KCNN2: variants seen among roughly 807,000 people sequenced by gnomAD.
KCNN2 encodes small conductance calcium-activated potassium channel protein 2.
In KCNN2, 24 loss-of-function variants were observed where a neutral mutation model predicts 55.5. The observed-to-expected ratio is 0.43, with a 90% CI of 0.31 to 0.61. KCNN2 has a LOEUF of 0.61. Ranked by LOEUF, KCNN2 falls within the 20% of genes least tolerant of loss-of-function variation. The pLI, the probability that KCNN2 is intolerant of heterozygous loss-of-function variation, is 0.08. For synonymous variants in KCNN2, 431 were observed against 336.1 expected (o/e 1.28, Z -3.09); for missense variants, 754 against 853.6 (o/e 0.88, Z 1.45).
At chr5:114,269,291 T>G (rs879390890) in intron 2 of KCNN2, among the ~76,000 whole-genome samples, 1 of 152,200 alleles carries the variant, frequency 6.6e-6, no homozygotes, top group Non-Finnish European at 1.5e-5. Context: ...CCACATAAGC[T>G]ACCCTAAAGG....
Position 114,230,287 on chromosome 5 carries a change from C to CTTT in KCNN2, c.-185+8728_-185+8730dup, listed in dbSNP as rs887105425. Among the ~76,000 whole-genome samples the CTTT allele has an allele frequency of 6.0e-4, 62 of 102,670 alleles. 1 individual carries two copies. The highest frequency in any genetic ancestry group is 2.0e-3 in the African/African-American group (61 of 29,872). The allele number at this position is 102,670 out of a possible 152,430, so 67.4% of individuals were successfully genotyped here. On this transcript the variant is annotated intron_variant, in intron 2 of 10. Coordinates refer to the KCNN2 transcript ENST00000512097. ...ATATTCTTTTTTTTTTTCTTTCTTT[C>CTTT]TTTTTTTTATTATACTTTAAGTTTT... is the stretch of plus-strand genomic sequence containing the variant.
At chr5:114,199,014 CTATGAGTGGGG>C (rs1179011081) in intron 1 of KCNN2, among the ~76,000 whole-genome samples, 2 of 152,006 alleles carry the variant, frequency 1.3e-5, no homozygotes, top group South Asian at 2.1e-4. Flanking sequence ...CTGTCTAGTG[CTATGAGTGGGG>C]TATTAAAGTC....
chr5:114,121,866 T>C (rs1178724911), intron 1 of KCNN2, among the ~76,000 whole-genome samples: 1 of 152,238 alleles, frequency 6.6e-6, no homozygotes, highest in Non-Finnish European at 1.5e-5. Flanking sequence ...AAGGCAACAG[T>C]GTGTTCAACA....
At chr5:114,437,965 G>T (rs1561383573) in intron 3 of KCNN2, among the ~76,000 whole-genome samples, 1 of 152,058 alleles carries the variant, frequency 6.6e-6, no homozygotes. Flanking sequence ...AGTTCTAGGA[G>T]CATAATAACA....
chr5:114,202,644 T>G (rs1753698323), intron 1 of KCNN2, among the ~76,000 whole-genome samples: 1 of 145,782 alleles, frequency 6.9e-6, no homozygotes, highest in South Asian at 2.2e-4. Flanking sequence ...TGGAGTGCAG[T>G]GGCGCGATCT....
intron 2 of KCNN2, among the ~76,000 whole-genome samples, chr5:114,333,759 C>A (rs1252720037): frequency 1.3e-5 from 2 of 152,036 alleles, no homozygotes; most frequent in Non-Finnish European, 2.9e-5. Context: ...TTTAAAAGTT[C>A]TAAGTCAATA....
At chr5:114,301,308 T>C (rs1756154780) in intron 2 of KCNN2, among the ~76,000 whole-genome samples, 1 of 152,196 alleles carries the variant, frequency 6.6e-6, no homozygotes, top group Non-Finnish European at 1.5e-5. Flanking sequence ...CTTGTGAGGA[T>C]TAAATAAAGA....
chr5:114,140,828 G>A (rs376067405), intron 1 of KCNN2, among the ~76,000 whole-genome samples: 86 of 149,408 alleles, frequency 5.8e-4, no homozygotes, highest in Admixed American at 1.5e-3. Context: ...TCACTCCGTC[G>A]CCTAGGCTGG....
intron 1 of KCNN2, among the ~76,000 whole-genome samples, chr5:114,100,904 G>A (rs987663997): frequency 4.6e-5 from 7 of 151,680 alleles, no homozygotes; most frequent in African/African-American, 1.7e-4. Flanking sequence ...AAGAATATAA[G>A]TCCATAGTTA....
At chr5:114,070,395 C>A (rs1750543926) in intron 1 of KCNN2, among the ~76,000 whole-genome samples, 1 of 152,218 alleles carries the variant, frequency 6.6e-6, no homozygotes, top group African/African-American at 2.4e-5. Context: ...ACGAGCCATG[C>A]CTTTACCTGA....
At chr5:114,068,888 A>G (rs955125207) in intron 1 of KCNN2, among the ~76,000 whole-genome samples, 1 of 151,606 alleles carries the variant, frequency 6.6e-6, no homozygotes, top group African/African-American at 2.4e-5. Flanking sequence ...ATCTCAGCTC[A>G]CTGGAACCTC....
At chr5:114,478,167 G>A (rs907637064) in intron 5 of KCNN2, among the ~76,000 whole-genome samples, 52 of 152,120 alleles carry the variant, frequency 3.4e-4, no homozygotes, top group African/African-American at 1.2e-3. Context: ...GCACCCTGGT[G>A]CATTCCCCTT....
chr5:114,478,479 G>T (rs1057461787), intron 5 of KCNN2, among the ~76,000 whole-genome samples: 2 of 151,820 alleles, frequency 1.3e-5, no homozygotes, highest in Non-Finnish European at 2.9e-5. Flanking sequence ...CATACTTCCG[G>T]ATATCATCCA....
intron 1 of KCNN2, among the ~76,000 whole-genome samples, chr5:114,207,124 GT>G (rs1453849121): frequency 2.6e-5 from 4 of 152,120 alleles, no homozygotes; most frequent in African/African-American, 9.7e-5. Context: ...TGAGGGAAGT[GT>G]CTTTGTGATG....
At chr5:114,489,691 A>ATACT (rs1005118043) in intron 6 of KCNN2, among the ~76,000 whole-genome samples, 1 of 152,126 alleles carries the variant, frequency 6.6e-6, no homozygotes, top group Admixed American at 6.6e-5. Context: ...CTAATCATGC[A>ATACT]TACTTACCTT....
rs1352679722 is a variant in KCNN2 at position 114,119,540 on chromosome 5, G to C, written c.-271+63040G>C. On this transcript the variant is annotated intron_variant, in intron 1 of 10. Transcript: ENST00000512097. Reference sequence around the variant, plus strand: ...GCACATCATCTAATAGAGGTGGGCTGCTCATATCGCAGGCCCCTTCTATTT... The same window carrying C: ...GCACATCATCTAATAGAGGTGGGCTCCTCATATCGCAGGCCCCTTCTATTT... Among the ~76,000 whole-genome samples, 4 of 152,222 alleles carry C rather than the reference G, an allele frequency of 2.6e-5. No homozygotes were observed. The East Asian group carries it at 5.8e-4, about 22-fold the overall frequency.
chr5:114,107,634 G>C (rs1751516739), intron 1 of KCNN2, among the ~76,000 whole-genome samples: 1 of 151,818 alleles, frequency 6.6e-6, no homozygotes, highest in African/African-American at 2.4e-5. Flanking sequence ...GAGCTGAAGT[G>C]ATCTTCCCAT....
At chr5:114,490,161 C>A (rs937477249) in intron 6 of KCNN2, among the ~76,000 whole-genome samples, 1 of 152,108 alleles carries the variant, frequency 6.6e-6, no homozygotes, top group African/African-American at 2.4e-5. Context: ...ATTCTTTTAT[C>A]TCAACTATGG....
At chr5:114,140,489 T>C (rs1364914766) in intron 1 of KCNN2, among the ~76,000 whole-genome samples, 1 of 152,186 alleles carries the variant, frequency 6.6e-6, no homozygotes, top group Non-Finnish European at 1.5e-5. Context: ...GTAATTTGAT[T>C]CTAATATTTA....
Sources: gnomAD v4.1 joint callset for allele counts (sites outside exome capture counted in the v4.1 genomes callset) on GRCh38, gnomAD v4.1.1 for gene constraint, MANE v1.5 for transcripts, NCBI Gene and HGNC (gene_info 2026-07-23, HGNC 2026-07-21) for gene names.